The following GLIPR1L2 variants were observed in gnomAD, a reference collection of about 807,000 sequenced individuals.
GLIPR1L2 encodes the protein GLIPR1-like protein 2.
Under a neutral mutation model 28.4 loss-of-function variants are expected in GLIPR1L2, and 21 were observed. That is an observed-to-expected ratio of 0.74 (90% confidence interval 0.52 to 1.06). GLIPR1L2 has a LOEUF of 1.06. Among genes scored for constraint, GLIPR1L2 ranks in the 50% least tolerant of loss-of-function variants. GLIPR1L2 has a pLI of 0.00. For synonymous variants in GLIPR1L2, 145 were observed against 139.3 expected (o/e 1.04, Z -0.29); for missense variants, 476 against 416.9 (o/e 1.14, Z -1.23).
chr12:75,419,114 A>G (rs2045952930), intron 3 of GLIPR1L2, among the ~76,000 whole-genome samples: 1 of 152,196 alleles, frequency 6.6e-6, no homozygotes, highest in Admixed American at 6.6e-5. Flanking sequence ...TACCTATGTA[A>G]CAAACCTGCA....
intron 3 of GLIPR1L2, among the ~76,000 whole-genome samples, chr12:75,422,373 G>C (rs926549928): frequency 6.6e-6 from 1 of 150,554 alleles, no homozygotes; most frequent in African/African-American, 2.4e-5. Context: ...GCCCATCTCA[G>C]CTTACTGCAA....
intron 1 of GLIPR1L2, among the ~76,000 whole-genome samples, chr12:75,399,410 C>T (rs937751320): frequency 6.6e-6 from 1 of 152,082 alleles, no homozygotes; most frequent in African/African-American, 2.4e-5. Context: ...ATATAAATTC[C>T]AACTAGTCAA....
Position 75,431,088 on chromosome 12 carries a change from A to T in GLIPR1L2, c.962A>T (p.Glu321Val). 1.6e-6 allele frequency: 2 copies of T among 1,259,724 alleles called. No individual in the cohort carries two copies. The highest frequency in any genetic ancestry group is 2.2e-6 in the Non-Finnish European group (2 of 895,624). The allele number at this position is 1,259,724 out of a possible 1,614,324, so 78.0% of individuals were successfully genotyped here. A position where few individuals can be genotyped will look rare whatever the true frequency, so the allele number is the denominator to read the frequency against. ...EEMEMEIMEM[E>V]EEKEEREEEE... The stretch of plus-strand genomic sequence containing the variant: ...ATGGAAATGGAAATAATGGAAATGG[A>T]GGAGGAAAAAGAAGAGAGAGAGGAG... The change falls in exon 6 of 6, where the codon GAG becomes GTG. Residue 321 changes from glutamate to valine, a missense_variant. Physicochemically the swap from Glu to Val is moderately radical, Grantham distance 121. Transcript: ENST00000550916.
intron 1 of GLIPR1L2, among the ~76,000 whole-genome samples, chr12:75,405,213 ATGAC>A (rs887334554): frequency 5.9e-5 from 9 of 152,200 alleles, no homozygotes; most frequent in African/African-American, 2.2e-4. Flanking sequence ...TTAAAATAAA[ATGAC>A]TGGTCAAGAT....
chr12:75,415,907 C>T (rs2045918925), intron 3 of GLIPR1L2, among the ~76,000 whole-genome samples: 1 of 152,050 alleles, frequency 6.6e-6, no homozygotes, highest in African/African-American at 2.4e-5. Context: ...TAGATAATGT[C>T]AATATTTTAA....
chr12:75,408,611 T>G (rs536997771), intron 1 of GLIPR1L2, among the ~76,000 whole-genome samples: 71 of 152,182 alleles, frequency 4.7e-4, no homozygotes, highest in Middle Eastern at 3.4e-3. Context: ...TAGGAAACAA[T>G]CTAAAGGTCT....
At chr12:75,406,773 A>AG (rs1203096453) in intron 1 of GLIPR1L2, among the ~76,000 whole-genome samples, 1 of 145,122 alleles carries the variant, frequency 6.9e-6, no homozygotes, top group Non-Finnish European at 1.5e-5. Flanking sequence ...AAAAAAAAAA[A>AG]AGAGAGAGAG....
intron 1 of GLIPR1L2, among the ~76,000 whole-genome samples, chr12:75,394,784 A>C (rs1472465443): frequency 2.2e-5 from 3 of 137,028 alleles, no homozygotes; most frequent in Admixed American, 1.4e-4. Flanking sequence ...AAAAAAAAAA[A>C]CATTATTGGG....
Position 75,432,121 on chromosome 12 carries a change from A to AG in GLIPR1L2, c.*963dup. The stretch of plus-strand genomic sequence containing the variant: ...GTGAAGTACACTAAGCAAACACCTG[A>AG]GGGAAAAACTTGATTCCCATGAAAA... On this transcript the variant is annotated 3_prime_UTR_variant, in exon 6 of 6. Coordinates refer to ENST00000550916, the MANE Select transcript of GLIPR1L2 (RefSeq NM_001270396.2). The AG allele has an allele frequency of 6.6e-6, 1 of 152,280 alleles. No individual in the cohort carries two copies. Among genetic ancestry groups the AG allele is most frequent in the South Asian group, 2.1e-4 (1 of 4,826 alleles). 9.4% of individuals were successfully genotyped at this position (152,280 alleles called of 1,614,324 possible).
At chr12:75,411,303 T>A (rs1017014010) in intron 2 of GLIPR1L2, among the ~76,000 whole-genome samples, 1 of 151,876 alleles carries the variant, frequency 6.6e-6, no homozygotes, top group African/African-American at 2.4e-5. Context: ...GTTATTTAGG[T>A]CTGCAATAAA....
chr12:75,395,294 A>G (rs1337564232), intron 1 of GLIPR1L2, among the ~76,000 whole-genome samples: 2 of 152,060 alleles, frequency 1.3e-5, no homozygotes, highest in Non-Finnish European at 2.9e-5. Flanking sequence ...GTTATCATGT[A>G]TAATTCTTTT....
At chr12:75,406,250 A>G (rs1180359676) in intron 1 of GLIPR1L2, among the ~76,000 whole-genome samples, 1 of 152,090 alleles carries the variant, frequency 6.6e-6, no homozygotes, top group Non-Finnish European at 1.5e-5. Flanking sequence ...CTAAGATCTT[A>G]TTTAGTCAAC....
chr12:75,413,592 T>C lies in GLIPR1L2; in HGVS notation c.481-6T>C, dbSNP rs754080228. ...TTTTGTGTCTTTCTTGAAAATTTTATTTTAGCTTGTTTGGGACCACTCTTA... is the reference window on the plus strand; with the variant it reads ...TTTTGTGTCTTTCTTGAAAATTTTACTTTAGCTTGTTTGGGACCACTCTTA... On this transcript the variant is annotated splice_polypyrimidine_tract_variant and splice_region_variant and intron_variant, in intron 2 of 5. Transcript: ENST00000550916. 14 of 1,513,504 alleles carry C rather than the reference T, an allele frequency of 9.3e-6. No homozygotes were observed. The South Asian group carries it at 1.8e-4, about 20-fold the overall frequency. 93.8% of individuals were successfully genotyped at this position (1,513,504 alleles called of 1,614,324 possible).
At chr12:75,416,256 A>G (rs962646825) in intron 3 of GLIPR1L2, among the ~76,000 whole-genome samples, 2 of 152,126 alleles carry the variant, frequency 1.3e-5, no homozygotes, top group African/African-American at 4.8e-5. Context: ...GGTATATTAG[A>G]TAGAAAAATA....
At chr12:75,394,161 T>C (rs2045658740) in intron 1 of GLIPR1L2, among the ~76,000 whole-genome samples, 1 of 152,112 alleles carries the variant, frequency 6.6e-6, no homozygotes, top group South Asian at 2.1e-4. Flanking sequence ...TTCTGGATAT[T>C]AATCTTTTTC....
At chr12:75,411,752 G>C (rs1461176237) in intron 2 of GLIPR1L2, among the ~76,000 whole-genome samples, 1 of 151,700 alleles carries the variant, frequency 6.6e-6, no homozygotes, top group Non-Finnish European at 1.5e-5. Context: ...CCTTTTTAAT[G>C]TGTCTCTTTA....
At chr12:75,410,161 T>C (rs1316295632) in intron 1 of GLIPR1L2, among the ~76,000 whole-genome samples, 1 of 151,812 alleles carries the variant, frequency 6.6e-6, no homozygotes, top group East Asian at 1.9e-4. Context: ...TACATACTTC[T>C]GAACAGACTA....
At chr12:75,392,059 G>C (rs1407458402) in intron 1 of GLIPR1L2, among the ~76,000 whole-genome samples, 1 of 152,078 alleles carries the variant, frequency 6.6e-6, no homozygotes, top group Non-Finnish European at 1.5e-5. Context: ...TTTCCTGACT[G>C]TCATTAAAAT....
intron 3 of GLIPR1L2, among the ~76,000 whole-genome samples, chr12:75,417,587 G>A (rs2045935503): frequency 6.6e-6 from 1 of 151,992 alleles, no homozygotes; most frequent in African/African-American, 2.4e-5. Flanking sequence ...ACACAAAGGT[G>A]AAGAATAGAG....
Sources: gnomAD v4.1 joint callset for allele counts (sites outside exome capture counted in the v4.1 genomes callset) on GRCh38, gnomAD v4.1.1 for gene constraint, MANE v1.5 for transcripts, NCBI Gene and HGNC (gene_info 2026-07-23, HGNC 2026-07-21) for gene names.